PTPRQ: variants seen among roughly 807,000 people sequenced by gnomAD.
The protein encoded by PTPRQ is phosphatidylinositol phosphatase PTPRQ.
In PTPRQ, 199 loss-of-function variants were observed where a neutral mutation model predicts 246.0. That is an observed-to-expected ratio of 0.81 (90% CI 0.72 to 0.91). The LOEUF (loss-of-function observed/expected upper bound fraction) is 0.91. Ranked by LOEUF, PTPRQ falls within the 40% of genes least tolerant of loss-of-function variation. The pLI is 0.00. For missense variants in PTPRQ, 2,624 were observed against 2,528.4 expected (o/e 1.04, Z -0.81); for synonymous variants, 869 against 853.2 (o/e 1.02, Z -0.32).
chr12:80,470,689 T>A (rs900021921), intron 7 of PTPRQ, among the ~76,000 whole-genome samples: 5 of 152,234 alleles, frequency 3.3e-5, no homozygotes, highest in Middle Eastern at 6.8e-3. Flanking sequence ...AAACTGACAC[T>A]GAAGATGGGT....
At chr12:80,509,679 G>A (rs533119501) in intron 16 of PTPRQ, among the ~76,000 whole-genome samples, 2 of 152,186 alleles carry the variant, frequency 1.3e-5, no homozygotes, top group South Asian at 2.1e-4. Flanking sequence ...AATAGCAAAT[G>A]TATTTATATT....
intron 17 of PTPRQ, among the ~76,000 whole-genome samples, chr12:80,521,782 A>G (rs977210579): frequency 6.6e-6 from 1 of 152,076 alleles, no homozygotes; most frequent in African/African-American, 2.4e-5. Context: ...AGTATAGTTT[A>G]AAGTCAGGTA....
intron 25 of PTPRQ, among the ~76,000 whole-genome samples, chr12:80,559,075 C>T (rs895152115): frequency 1.3e-5 from 2 of 152,166 alleles, no homozygotes; most frequent in African/African-American, 2.4e-5. Context: ...GACGGAGTCT[C>T]GCTCTGTCGC....
chr12:80,551,891 A>G (rs1193853988), intron 25 of PTPRQ, among the ~76,000 whole-genome samples: 1 of 151,740 alleles, frequency 6.6e-6, no homozygotes, highest in Non-Finnish European at 1.5e-5. Flanking sequence ...TCTTCTTTAA[A>G]CATATCCAAC....
intron 9 of PTPRQ, among the ~76,000 whole-genome samples, chr12:80,491,552 G>A (rs2120638869): frequency 6.6e-6 from 1 of 151,998 alleles, no homozygotes; most frequent in South Asian, 2.1e-4. Flanking sequence ...AGCTTTTATG[G>A]GAAACCTGTT....
intron 38 of PTPRQ, among the ~76,000 whole-genome samples, chr12:80,654,825 A>T (rs1440790002): frequency 6.6e-6 from 1 of 152,044 alleles, no homozygotes; most frequent in Non-Finnish European, 1.5e-5. Flanking sequence ...GCACCATTGC[A>T]TTCCATCCTG....
At chr12:80,536,719 G>T (rs1895998925) in intron 19 of PTPRQ, among the ~76,000 whole-genome samples, 1 of 152,090 alleles carries the variant, frequency 6.6e-6, no homozygotes, top group South Asian at 2.1e-4. Context: ...TTCTCTGTAG[G>T]GAAGAGAAAT....
intron 35 of PTPRQ, among the ~76,000 whole-genome samples, chr12:80,647,086 A>G (rs1488012048): frequency 6.6e-6 from 1 of 152,156 alleles, no homozygotes; most frequent in Non-Finnish European, 1.5e-5. Flanking sequence ...TTTAGATTCT[A>G]GTTATCTCAG....
chr12:80,455,445 T>G (rs1387764735), intron 3 of PTPRQ, among the ~76,000 whole-genome samples: 1 of 152,232 alleles, frequency 6.6e-6, no homozygotes, highest in African/African-American at 2.4e-5. Context: ...TTTACATGTC[T>G]GTTGACATTT....
At chr12:80,555,197 T>C (rs1043520140) in intron 25 of PTPRQ, among the ~76,000 whole-genome samples, 5 of 152,140 alleles carry the variant, frequency 3.3e-5, no homozygotes, top group Non-Finnish European at 5.9e-5. Flanking sequence ...ATTACAGGCG[T>C]GAGCCACCGC....
chr12:80,475,598 T>C (rs975727721), intron 8 of PTPRQ, among the ~76,000 whole-genome samples: 5 of 150,736 alleles, frequency 3.3e-5, no homozygotes, highest in Non-Finnish European at 4.4e-5. Flanking sequence ...ATCAAGTATC[T>C]TTTTAAAGAC....
At chr12:80,673,574 G>T (rs980752439) in intron 43 of PTPRQ, among the ~76,000 whole-genome samples, 5 of 152,038 alleles carry the variant, frequency 3.3e-5, no homozygotes, top group Admixed American at 6.6e-5. Flanking sequence ...ACATAAAATT[G>T]ATTTATCTTT....
rs577343407 is a variant in PTPRQ at position 80,637,054 on chromosome 12, G to T, written c.5915+1981G>T. Among the ~76,000 whole-genome samples the T allele has an allele frequency of 5.3e-5, 8 of 152,230 alleles. No individual in the cohort carries two copies. The East Asian group carries it at 1.4e-3, about 26-fold the overall frequency. On this transcript the variant is annotated intron_variant, in intron 35 of 44. Transcript: ENST00000644991. Reference sequence around the variant, plus strand: ...GAGGGTGAATAACCTGAGGTCAGGAGTTTGAAACCAGCCTGGCTAGCATGG... The same window carrying T: ...GAGGGTGAATAACCTGAGGTCAGGATTTTGAAACCAGCCTGGCTAGCATGG...
chr12:80,447,778 T>C (rs1206222759), intron 3 of PTPRQ, among the ~76,000 whole-genome samples: 1 of 152,132 alleles, frequency 6.6e-6, no homozygotes, highest in Non-Finnish European at 1.5e-5. Flanking sequence ...TTTCTATCAG[T>C]ACTGTGCTAT....
intron 25 of PTPRQ, among the ~76,000 whole-genome samples, chr12:80,577,115 T>G (rs1435319030): frequency 1.3e-5 from 2 of 152,222 alleles, no homozygotes; most frequent in East Asian, 3.8e-4. Flanking sequence ...ACTTACTGCA[T>G]GCAGCTGTCA....
chr12:80,588,076 T>C, intron 25 of PTPRQ, 53 bp from the exon 26 acceptor site: 1 of 1,459,340 alleles, frequency 6.9e-7, no homozygotes. Flanking sequence ...TTCTTCTCTT[T>C]ATGAAGTGTT....
At chr12:80,571,158 T>C (rs999185374) in intron 25 of PTPRQ, among the ~76,000 whole-genome samples, 4 of 152,228 alleles carry the variant, frequency 2.6e-5, no homozygotes, top group African/African-American at 9.6e-5. Context: ...GCACTGAATC[T>C]ATAAATTATG....
At chr12:80,445,371 T>C (rs540986020) in intron 2 of PTPRQ, 120 bp from the exon 3 acceptor site, 6 of 626,676 alleles carry the variant, frequency 9.6e-6, no homozygotes, top group Non-Finnish European at 1.4e-5. Context: ...GTAGGGAGTG[T>C]GAACTCATAT....
chr12:80,445,567 T>A lies in PTPRQ; in HGVS notation c.240T>A (p.Pro80=). 6.5e-7 allele frequency: 1 copy of A among 1,549,788 alleles called. No individual in the cohort carries two copies. The highest frequency in any genetic ancestry group is 8.7e-7 in the Non-Finnish European group (1 of 1,145,722). ...TTCTTCTGTCTTGGAATACACCACC[T>A]AATCCAAATGGAAGGATTATATCTT... ...AGILLSWNTP[P]NPNGRIISYI... The change falls in exon 3 of 45, where the codon CCT becomes CCA. Residue 80 remains proline, a synonymous_variant. Coordinates refer to ENST00000644991, the MANE Select transcript of PTPRQ (RefSeq NM_001145026.2).
Sources: gnomAD v4.1 joint callset for allele counts (sites outside exome capture counted in the v4.1 genomes callset) on GRCh38, gnomAD v4.1.1 for gene constraint, MANE v1.5 for transcripts, NCBI Gene and HGNC (gene_info 2026-07-23, HGNC 2026-07-21) for gene names.